The following DNAH10 variants were observed in gnomAD, a reference collection of about 807,000 sequenced individuals.
DNAH10 encodes the protein dynein axonemal heavy chain 10.
Under a neutral mutation model 506.6 loss-of-function variants are expected in DNAH10, and 348 were observed. The observed-to-expected ratio is 0.69, with a 90% CI of 0.63 to 0.75. The LOEUF (loss-of-function observed/expected upper bound fraction) is 0.75, where lower values mean the gene tolerates loss of function less well. Ranked by LOEUF, DNAH10 falls within the 30% of genes least tolerant of loss-of-function variation. DNAH10 has a pLI of 0.00. For synonymous variants in DNAH10, 2,059 were observed against 2,198.6 expected (o/e 0.94, Z 1.78); for missense variants, 5,179 against 5,787.1 (o/e 0.89, Z 3.41).
chr12:123,856,688 A>G (rs1951404838), intron 36 of DNAH10, among the ~76,000 whole-genome samples: 1 of 148,598 alleles, frequency 6.7e-6, no homozygotes, highest in Admixed American at 6.7e-5. Flanking sequence ...TATGAAATAT[A>G]TATTTTATAT....
At chr12:123,855,940 A>G (rs1484903009) in intron 36 of DNAH10, among the ~76,000 whole-genome samples, 1 of 149,474 alleles carries the variant, frequency 6.7e-6, no homozygotes, top group Non-Finnish European at 1.5e-5. Flanking sequence ...TGTATTGTAT[A>G]TTTCACTTTT....
chr12:123,873,426 C>A, intron 45 of DNAH10, 132 bp from the exon 46 acceptor site: 1 of 1,004,392 alleles, frequency 1.0e-6, no homozygotes, highest in Non-Finnish European at 1.4e-6. Flanking sequence ...AGCACAGTCT[C>A]ACACTGGGTT....
At chr12:123,894,913 C>T (rs1953150739) in intron 54 of DNAH10, among the ~76,000 whole-genome samples, 190 bp downstream of exon 54, 1 of 152,180 alleles carries the variant, frequency 6.6e-6, no homozygotes, top group South Asian at 2.1e-4. Context: ...TTTCAGGAGA[C>T]TTAGCAAGGA....
rs1015879545 is a variant in DNAH10, at chr12:123,821,237, C to T, written c.4179+479C>T. ...TGCACTCCAGCCTGGGCGACAAGAG[C>T]GAAACTCCATCTCAAAAAAAAAAAA... On this transcript the variant is annotated intron_variant, in intron 24 of 78. Coordinates refer to ENST00000673944, the MANE Select transcript of DNAH10 (RefSeq NM_001372106.1). Among the ~76,000 whole-genome samples, 10 of 149,960 alleles carry T rather than the reference C, an allele frequency of 6.7e-5. No individual in the cohort carries two copies. In the East Asian group the frequency reaches 9.8e-4, roughly 15 times the overall value.
In DNAH10 at chr12:123,853,860, G is replaced by GCACA. The variant is rs10595799; in HGVS notation, c.6438+516_6438+519dup. 6.8e-6 allele frequency among the ~76,000 whole-genome samples: 1 copy of GCACA among 148,142 alleles called. No homozygotes were observed. The highest frequency in any genetic ancestry group is 1.5e-5 in the Non-Finnish European group (1 of 66,994). ...CGCACACGCACGGACACACGCACGC[G>GCACA]CACACACACACGGATACATGCACGC... On this transcript the variant is annotated intron_variant, in intron 36 of 78. Transcript: ENST00000673944. This position sits in a 1 kb window ranked among gnomAD's most constrained non-coding sequence, Gnocchi z 4.7.
rs770706651 is a variant in DNAH10, at chr12:123,867,592, C to T, written c.7293C>T (p.Asp2431=). The T allele has an allele frequency of 6.2e-7, 1 of 1,613,596 alleles. No homozygotes were observed. Among genetic ancestry groups the T allele is most frequent in the South Asian group, 1.1e-5 (1 of 90,914 alleles). The change falls in exon 42 of 79, where the codon GAC becomes GAT. Residue 2431 remains aspartate, a synonymous_variant. Coordinates refer to ENST00000673944, the MANE Select transcript of DNAH10 (RefSeq NM_001372106.1). ...TGAAGACAATAGTTCCTCAGACAGA[C>T]CTCAATATGGTAAGAAATGATCCCT... is the stretch of plus-strand genomic sequence containing the variant. ...EKLKTIVPQT[D]LNMVTQLAKM...
At chr12:123,838,428 T>G in intron 28 of DNAH10, 28 bp from the exon 29 acceptor site, 1 of 1,592,514 alleles carries the variant, frequency 6.3e-7, no homozygotes, top group Non-Finnish European at 8.6e-7. Context: ...CTCACCCTGC[T>G]TGACGGCTGT....
At position 123,853,857 on chromosome 12, in the gene DNAH10, C is replaced by T. The variant is rs963092957; in HGVS notation, c.6438+505C>T. On this transcript the variant is annotated intron_variant, in intron 36 of 78. Transcript: ENST00000673944. The surrounding 1 kb of genome is among the most constrained non-coding windows in gnomAD (Gnocchi z 4.7). ...ACACGCACACGCACGGACACACGCA[C>T]GCGCACACACACACGGATACATGCA... 2.2e-5 allele frequency among the ~76,000 whole-genome samples: 3 copies of T among 133,538 alleles called. No individual in the cohort carries two copies. Among genetic ancestry groups the T allele is most frequent in the South Asian group, 2.6e-4 (1 of 3,878 alleles). The allele number at this position is 133,538 out of a possible 152,430, so 87.6% of individuals were successfully genotyped here.
intron 53 of DNAH10, among the ~76,000 whole-genome samples, chr12:123,894,432 A>G (rs1305388429): frequency 1.3e-5 from 2 of 151,812 alleles, no homozygotes; most frequent in Admixed American, 1.3e-4. Flanking sequence ...TAATTTTTGT[A>G]TTTTTAGTAG....
intron 67 of DNAH10, 139 bp from the exon 68 acceptor site, chr12:123,924,911 A>G (rs1954874022): frequency 9.1e-7 from 1 of 1,103,518 alleles, no homozygotes; most frequent in Non-Finnish European, 1.3e-6. Context: ...AGAGAATGAC[A>G]GATCTGACCA....
At chr12:123,796,321 G>T (rs1958275515) in intron 12 of DNAH10, among the ~76,000 whole-genome samples, 1 of 152,158 alleles carries the variant, frequency 6.6e-6, no homozygotes, top group Non-Finnish European at 1.5e-5. Flanking sequence ...GCTGGGCATA[G>T]TGGTGGGCGC....
At chr12:123,780,957 A>AAAC in intron 5 of DNAH10, 123 bp from the exon 6 acceptor site, 1 of 811,870 alleles carries the variant, frequency 1.2e-6, no homozygotes, top group East Asian at 3.0e-5. Context: ...AAAAAAAAAA[A>AAAC]AAAAAGAATA....
chr12:123,934,101 G>T lies in DNAH10; in HGVS notation c.13478-520G>T, dbSNP rs750742531. On this transcript the variant is annotated intron_variant, in intron 77 of 78. Coordinates refer to ENST00000673944, the MANE Select transcript of DNAH10 (RefSeq NM_001372106.1). ...AGGGACTCTCCAGGTCTCAGTGGCA[G>T]GGGAGGTGGCAGGTGTCCGGGCCAC... 1.5e-5 allele frequency: 9 copies of T among 610,598 alleles called. No homozygotes were observed. In the Admixed American group the frequency reaches 2.3e-4, roughly 16 times the overall value. The allele number at this position is 610,598 out of a possible 1,614,324, so 37.8% of individuals were successfully genotyped here.
chr12:123,859,425 T>C (rs1951530289), intron 38 of DNAH10, among the ~76,000 whole-genome samples, 157 bp downstream of exon 38: 1 of 152,244 alleles, frequency 6.6e-6, no homozygotes, highest in African/African-American at 2.4e-5. Context: ...TTACTGACTT[T>C]ATTGCAGACT....
At chr12:123,806,725 C>A (rs531797548) in intron 18 of DNAH10, among the ~76,000 whole-genome samples, 1 of 151,498 alleles carries the variant, frequency 6.6e-6, no homozygotes, top group African/African-American at 2.4e-5. Flanking sequence ...CAGTCCCTTA[C>A]ATGGAGCTAC....
At chr12:123,809,049 AG>A (rs1958826139) in intron 19 of DNAH10, 96 bp downstream of exon 19, 1 of 1,433,918 alleles carries the variant, frequency 7.0e-7, no homozygotes, top group Non-Finnish European at 9.6e-7. Flanking sequence ...CCACTGCCCA[AG>A]GTGGAATTCT....
chr12:123,830,909 C>T (rs943227649), intron 26 of DNAH10, among the ~76,000 whole-genome samples: 1 of 152,106 alleles, frequency 6.6e-6, no homozygotes, highest in African/African-American at 2.4e-5. Context: ...CACCATGGCA[C>T]TCCAGCCTGG....
intron 36 of DNAH10, among the ~76,000 whole-genome samples, chr12:123,856,499 G>T (rs1177590222): frequency 6.7e-6 from 1 of 150,132 alleles, no homozygotes; most frequent in Non-Finnish European, 1.5e-5. Context: ...GCCACACCCA[G>T]CTAATTTTTG....
At chr12:123,894,596 C>T (rs774323875) in intron 53 of DNAH10, 47 bp from the exon 54 acceptor site, 35 of 1,566,090 alleles carry the variant, frequency 2.2e-5, no homozygotes, top group Non-Finnish European at 2.7e-5. Flanking sequence ...GGTCTCGCCA[C>T]ATTGCCCAGG....
Sources: gnomAD v4.1 joint callset for allele counts (sites outside exome capture counted in the v4.1 genomes callset) on GRCh38, gnomAD v4.1.1 for gene constraint, Gnocchi (gnomAD v3.1) non-coding constraint, MANE v1.5 for transcripts, NCBI Gene and HGNC (gene_info 2026-07-23, HGNC 2026-07-21) for gene names.